The following SRPK2 variants were observed in gnomAD, a reference collection of about 807,000 sequenced individuals.
The protein encoded by SRPK2 is SFRS protein kinase 2.
Under a neutral mutation model 90.8 loss-of-function variants are expected in SRPK2, and 21 were observed. The observed-to-expected ratio is 0.23, with a 90% CI of 0.16 to 0.33. The LOEUF is 0.33. Ranked by LOEUF, SRPK2 falls within the 10% of genes least tolerant of loss-of-function variation. SRPK2 has a pLI of 1.00. For missense variants in SRPK2, 620 were observed against 869.0 expected, an observed-to-expected ratio of 0.71 and a Z score of 3.60; for synonymous variants, 288 against 311.1, an observed-to-expected ratio of 0.93 and a Z score of 0.78.
upstream of SRPK2, among the ~76,000 whole-genome samples, chr7:105,393,128 G>C (rs1373431589): frequency 6.6e-6 from 1 of 152,052 alleles, no homozygotes; most frequent in Non-Finnish European, 1.5e-5. Flanking sequence ...CAAGTACCTG[G>C]GATTACAGGC....
intron 2 of SRPK2, among the ~76,000 whole-genome samples, chr7:105,349,169 GGGAGGGGAGGGGAGGGGAT>G (rs987504566): frequency 6.8e-6 from 1 of 147,762 alleles, no homozygotes; most frequent in African/African-American, 2.5e-5. Flanking sequence ...AGAGGGGGAG[GGGAGGGGAGGGGAGGGGAT>G]GGAGGGGAGG....
intron 3 of SRPK2, among the ~76,000 whole-genome samples, chr7:105,179,089 G>A (rs1185887704): frequency 1.3e-5 from 2 of 152,070 alleles, no homozygotes; most frequent in Non-Finnish European, 2.9e-5. Flanking sequence ...ACAGATTAAA[G>A]GTCAGTCCGT....
At chr7:105,242,932 T>C (rs775310231) in intron 2 of SRPK2, among the ~76,000 whole-genome samples, 38 of 152,224 alleles carry the variant, frequency 2.5e-4, no homozygotes, top group Non-Finnish European at 2.9e-5. Flanking sequence ...TAAATCTACT[T>C]CTGTATTTTA....
At position 105,232,753 on chromosome 7, in the gene SRPK2, G is replaced by A. The variant is rs552711441; in HGVS notation, c.72-28968C>T. 3.3e-5 allele frequency among the ~76,000 whole-genome samples: 5 copies of A among 151,836 alleles called. No homozygotes were observed. In the South Asian group the frequency reaches 1.0e-3, roughly 32 times the overall value. ...AAGATAACCAGGCTCAGCGGCTCAC[G>A]CCTGTAATCCCAGCACTTTGGGAGG... On this transcript the variant is annotated intron_variant, in intron 2 of 15. Coordinates refer to ENST00000393651, the MANE Select transcript of SRPK2 (RefSeq NM_182692.3).
chr7:105,267,554 A>AT (rs1422459120), intron 2 of SRPK2, among the ~76,000 whole-genome samples: 1 of 152,202 alleles, frequency 6.6e-6, no homozygotes, highest in Non-Finnish European at 1.5e-5. Context: ...CCACACAAAA[A>AT]TAAACACTAG....
chr7:105,299,420 G>A lies in SRPK2; in HGVS notation c.71+89228C>T, dbSNP rs370220821. On this transcript the variant is annotated intron_variant, in intron 2 of 15. Transcript: ENST00000393651. ...TTTTAAGGTCTACCAAAAATAATCT[G>A]AACCTAAAAAGACACTAAAGCTAAC... 7.8e-4 allele frequency among the ~76,000 whole-genome samples: 118 copies of A among 152,212 alleles called. 1 individual carries two copies. Among genetic ancestry groups the A allele is most frequent in the African/African-American group, 2.7e-3 (111 of 41,504 alleles).
At chr7:105,341,091 T>C (rs970708231) in intron 2 of SRPK2, among the ~76,000 whole-genome samples, 11 of 151,980 alleles carry the variant, frequency 7.2e-5, no homozygotes, top group Non-Finnish European at 1.5e-4. Context: ...ATAGGCCCGG[T>C]GCAGTGGCTC....
At chr7:105,235,251 AT>A (rs1438811429) in intron 2 of SRPK2, among the ~76,000 whole-genome samples, 1 of 152,248 alleles carries the variant, frequency 6.6e-6, no homozygotes, top group Non-Finnish European at 1.5e-5. Context: ...TGCTTATAAT[AT>A]TTAATGTTTA....
chr7:105,166,347 A>G (rs1040007807), intron 6 of SRPK2, among the ~76,000 whole-genome samples: 2 of 149,208 alleles, frequency 1.3e-5, no homozygotes, highest in African/African-American at 4.8e-5. Context: ...CTGTATTAAG[A>G]AGTCTCCAAT....
At chr7:105,382,552 CAAAAAAAAAAAA>C (rs71152969) in intron 2 of SRPK2, among the ~76,000 whole-genome samples, 5 of 75,904 alleles carry the variant, frequency 6.6e-5, no homozygotes, top group Non-Finnish European at 9.8e-5. Flanking sequence ...AACTCCATCT[CAAAAAAAAAAAA>C]AAAAAAAAAA....
At chr7:105,278,767 A>C (rs1806869070) in intron 2 of SRPK2, among the ~76,000 whole-genome samples, 2 of 151,886 alleles carry the variant, frequency 1.3e-5, no homozygotes, top group Admixed American at 1.3e-4. Context: ...AGAAGGCGGA[A>C]GGGGAAAGGA....
At chr7:105,366,104 C>T (rs779606971) in intron 2 of SRPK2, among the ~76,000 whole-genome samples, 3 of 152,052 alleles carry the variant, frequency 2.0e-5, no homozygotes, top group Non-Finnish European at 4.4e-5. Context: ...CCGCCCACCT[C>T]GGCCTCCCAA....
intron 2 of SRPK2, among the ~76,000 whole-genome samples, chr7:105,296,309 T>C (rs554428743): frequency 1.3e-5 from 2 of 152,308 alleles, no homozygotes; most frequent in East Asian, 3.9e-4. Context: ...TTTCTAGTAT[T>C]CAGTCCTCTT....
chr7:105,251,635 T>C (rs868438510), intron 2 of SRPK2, among the ~76,000 whole-genome samples: 26 of 152,230 alleles, frequency 1.7e-4, no homozygotes, highest in African/African-American at 6.0e-4. Context: ...ATTGTAAACC[T>C]TCCACAGCTC....
intron 2 of SRPK2, among the ~76,000 whole-genome samples, chr7:105,297,943 T>C (rs992314113): frequency 5.9e-5 from 9 of 152,200 alleles, no homozygotes; most frequent in Non-Finnish European, 1.2e-4. Context: ...GTTTTCACCA[T>C]GTTGGCCAAG....
In SRPK2 at chr7:105,186,002, A is replaced by AT. The variant is rs1793531564; in HGVS notation, c.230-16738dup. Among the ~76,000 whole-genome samples the AT allele has an allele frequency of 2.6e-5, 4 of 152,286 alleles. 1 individual carries two copies. The highest frequency in any genetic ancestry group is 2.6e-4 in the Admixed American group (4 of 15,296). On this transcript the variant is annotated intron_variant, in intron 3 of 15. Coordinates refer to ENST00000393651, the MANE Select transcript of SRPK2 (RefSeq NM_182692.3). ...TTTGGAAGTCTGCATCTTTTTATAG[A>AT]TTTTATTCCCCTAGAATGTTCTGGG...
chr7:105,291,325 C>T (rs2131035370), intron 2 of SRPK2, among the ~76,000 whole-genome samples: 1 of 152,298 alleles, frequency 6.6e-6, no homozygotes, highest in South Asian at 2.1e-4. Context: ...ACCTAAAGTG[C>T]CCAACTTTTT....
chr7:105,323,967 T>TTTTGTG (rs771680087), intron 2 of SRPK2, among the ~76,000 whole-genome samples: 4 of 133,816 alleles, frequency 3.0e-5, no homozygotes, highest in Non-Finnish European at 6.5e-5. Flanking sequence ...AGACTATTCT[T>TTTTGTG]TGTGTGTGTG....
chr7:105,344,292 A>T (rs941368974), intron 2 of SRPK2, among the ~76,000 whole-genome samples: 1 of 116,412 alleles, frequency 8.6e-6, no homozygotes, highest in Non-Finnish European at 2.1e-5. Context: ...ATGGACATAG[A>T]ATTTTTTTTT....
Sources: allele counts gnomAD v4.1 joint callset (sites outside exome capture counted in the v4.1 genomes callset), GRCh38; gene constraint gnomAD v4.1.1; transcripts MANE v1.5; gene names NCBI Gene and HGNC (gene_info 2026-07-23, HGNC 2026-07-21).